SUZ12: variants seen among roughly 807,000 people sequenced by gnomAD.
SUZ12 encodes polycomb protein SUZ12.
SUZ12 carries 17 observed loss-of-function variants against 87.3 expected under a neutral mutation model. The observed-to-expected ratio is 0.19, with a 90% CI of 0.13 to 0.29. SUZ12 has a LOEUF of 0.29. Among genes scored for constraint, SUZ12 ranks in the 10% least tolerant of loss-of-function variants. SUZ12 has a pLI of 1.00. For missense variants in SUZ12, 526 were observed against 912.2 expected (o/e 0.58, Z 5.45); for synonymous variants, 253 against 312.4 (o/e 0.81, Z 2.01).
intron 15 of SUZ12, 23 bp from the exon 16 acceptor site, chr17:31,998,635 C>T: frequency 1.3e-6 from 2 of 1,498,134 alleles, no homozygotes; most frequent in Non-Finnish European, 1.8e-6. Context: ...TATTGCTATT[C>T]ATATTCTGTT....
intron 4 of SUZ12, among the ~76,000 whole-genome samples, chr17:31,951,913 T>G (rs1380466900): frequency 6.6e-6 from 1 of 151,908 alleles, no homozygotes; most frequent in East Asian, 1.9e-4. Context: ...TAGCTGGGAT[T>G]ATATGCATGC....
chr17:31,990,217 C>A (rs905446836), intron 10 of SUZ12, among the ~76,000 whole-genome samples: 8 of 149,064 alleles, frequency 5.4e-5, no homozygotes, highest in African/African-American at 1.8e-4. Context: ...TCATGGTCTG[C>A]CTGCCTCGGC....
intron 4 of SUZ12, among the ~76,000 whole-genome samples, chr17:31,951,502 A>G (rs1402357172): frequency 2.4e-5 from 3 of 124,720 alleles, no homozygotes; most frequent in Non-Finnish European, 3.3e-5. Flanking sequence ...TTTTTTTTTG[A>G]GACGGAGTCT....
intron 4 of SUZ12, among the ~76,000 whole-genome samples, chr17:31,954,958 C>T (rs1479861251): frequency 6.6e-6 from 1 of 152,190 alleles, no homozygotes; most frequent in African/African-American, 2.4e-5. Flanking sequence ...GGATGTTGGT[C>T]TTAAGAAAGT....
At chr17:31,958,468 G>T (rs1016460964) in intron 4 of SUZ12, among the ~76,000 whole-genome samples, 2 of 152,118 alleles carry the variant, frequency 1.3e-5, no homozygotes, top group African/African-American at 2.4e-5. Context: ...CCAGCACTTT[G>T]GGAGGTCAAG....
Position 31,993,916 on chromosome 17 carries a change from C to A in SUZ12, c.1345C>A (p.His449Asn), listed in dbSNP as rs1048468715. Residue 449 changes from histidine (H) to asparagine (N), a missense_variant, in exon 12 of 16, where the codon CAT (histidine) becomes AAT (asparagine). By Grantham distance (68) the His-to-Asn change is moderately conservative. Coordinates refer to ENST00000322652, the MANE Select transcript of SUZ12 (RefSeq NM_015355.4). ...ACAAACTGAAGCAAGAGATGACCTG[C>A]ATTGCCCTTGGTGTACTCTGAACTG... Reference protein sequence around the residue: ...RQQTEARDDLHCPWCTLNCRK... With the variant: ...RQQTEARDDLNCPWCTLNCRK... 10 of 1,613,574 alleles carry A rather than the reference C, an allele frequency of 6.2e-6. No homozygotes were observed. The highest frequency in any genetic ancestry group is 1.3e-5 in the African/African-American group (1 of 74,836).
intron 4 of SUZ12, among the ~76,000 whole-genome samples, chr17:31,962,437 A>G (rs1907785104): frequency 6.6e-6 from 1 of 152,104 alleles, no homozygotes; most frequent in Admixed American, 6.6e-5. Context: ...CAAACATGTA[A>G]AAATTAGCCA....
intron 4 of SUZ12, among the ~76,000 whole-genome samples, chr17:31,951,777 T>A (rs1367571560): frequency 4.6e-5 from 4 of 86,790 alleles, no homozygotes; most frequent in African/African-American, 3.4e-4. Context: ...CGCCCAGCCT[T>A]TTTTTTTTTT....
At chr17:31,942,146 C>G (rs1265316280) in intron 3 of SUZ12, among the ~76,000 whole-genome samples, 2 of 152,166 alleles carry the variant, frequency 1.3e-5, no homozygotes. Flanking sequence ...GCCACTGCGC[C>G]CGGCCTCCGC....
Position 31,994,737 on chromosome 17 carries a change from A to T in SUZ12, c.1595+16A>T. 3.7e-6 allele frequency: 6 copies of T among 1,607,978 alleles called. No homozygotes were observed. The highest frequency in any genetic ancestry group is 5.1e-6 in the Non-Finnish European group (6 of 1,176,872). ...TTGTGTGCAGGTAGGTAAAAAGGGC[A>T]TATAAGAAAAGTTTAAGCTCTGATT... On this transcript the variant is annotated intron_variant, in intron 13 of 15. Transcript: ENST00000322652.
intron 10 of SUZ12, among the ~76,000 whole-genome samples, chr17:31,992,715 T>C (rs1040525928): frequency 7.3e-5 from 11 of 151,202 alleles, no homozygotes; most frequent in Non-Finnish European, 1.5e-4. Flanking sequence ...CGGCCCTGTT[T>C]TTGTTTTTTG....
chr17:31,990,029 A>G (rs1909635125), intron 10 of SUZ12, among the ~76,000 whole-genome samples: 1 of 149,640 alleles, frequency 6.7e-6, no homozygotes, highest in African/African-American at 2.5e-5. Context: ...ATCTCAGCTC[A>G]CTGCAAGCTC....
Position 31,999,144 on chromosome 17 carries a change from T to G in SUZ12, c.*141T>G. ...AGTAAATGATTTCAACAAGGATATT[T>G]GTATCAGGGTTCTACTTCACTTCAT... On this transcript the variant is annotated 3_prime_UTR_variant, in exon 16 of 16. Transcript: ENST00000322652. The G allele has an allele frequency of 1.5e-6, 1 of 653,980 alleles. No homozygotes were observed. The highest frequency in any genetic ancestry group is 2.4e-6 in the Non-Finnish European group (1 of 412,500). The allele number at this position is 653,980 out of a possible 1,614,324, so 40.5% of individuals were successfully genotyped here. A position where few individuals can be genotyped will look rare whatever the true frequency, so the allele number is the denominator to read the frequency against.
intron 1 of SUZ12, among the ~76,000 whole-genome samples, chr17:31,938,386 A>C (rs867143005): frequency 2.0e-4 from 30 of 152,344 alleles, no homozygotes; most frequent in Middle Eastern, 3.4e-3. Context: ...AAACTTGAAT[A>C]AACTTGGCTC....
At position 32,000,114 on chromosome 17, in the gene SUZ12, G is replaced by GC. The variant is rs1910183221; in HGVS notation, c.*1112dup. Reference sequence around the variant, plus strand: ...GGATTCACTACTGGCACATTAACAAGCACCAATAGGTTTTTATTCCAACTC... The same window carrying GC: ...GGATTCACTACTGGCACATTAACAAGCCACCAATAGGTTTTTATTCCAACTC... On this transcript the variant is annotated 3_prime_UTR_variant, in exon 16 of 16. Transcript: ENST00000322652. 4.3e-6 allele frequency: 1 copy of GC among 233,220 alleles called. No homozygotes were observed. The highest frequency in any genetic ancestry group is 6.1e-5 in the East Asian group (1 of 16,468). The allele number at this position is 233,220 out of a possible 1,614,324, so 14.4% of individuals were successfully genotyped here.
At chr17:31,938,664 A>G (rs1221608191) in intron 1 of SUZ12, among the ~76,000 whole-genome samples, 1 of 152,222 alleles carries the variant, frequency 6.6e-6, no homozygotes, top group African/African-American at 2.4e-5. Context: ...TGGAAATAGG[A>G]TGTAGAACTG....
intron 5 of SUZ12, among the ~76,000 whole-genome samples, chr17:31,968,516 G>A (rs1340137777): frequency 3.3e-5 from 5 of 152,190 alleles, no homozygotes; most frequent in African/African-American, 4.8e-5. Flanking sequence ...ACAGGTGTGA[G>A]CCACTGAGAC....
At chr17:31,977,586 A>G (rs1908833762) in intron 8 of SUZ12, among the ~76,000 whole-genome samples, 1 of 151,020 alleles carries the variant, frequency 6.6e-6, no homozygotes, top group Non-Finnish European at 1.5e-5. Context: ...GCGAGACCCC[A>G]TCTTTTTTAA....
At chr17:31,992,496 G>C (rs1226453399) in intron 10 of SUZ12, among the ~76,000 whole-genome samples, 1 of 151,970 alleles carries the variant, frequency 6.6e-6, no homozygotes, top group Admixed American at 6.6e-5. Context: ...TGCAAGCTCT[G>C]CCTCCCAGAT....
Sources: gnomAD v4.1 joint callset for allele counts (sites outside exome capture counted in the v4.1 genomes callset) on GRCh38, gnomAD v4.1.1 for gene constraint, MANE v1.5 for transcripts, NCBI Gene and HGNC (gene_info 2026-07-23, HGNC 2026-07-21) for gene names.